The following GLA variants were observed in gnomAD, a reference collection of about 807,000 sequenced individuals.
GLA encodes the protein galactosidase alpha.
Under a neutral mutation model 28.2 loss-of-function variants are expected in GLA, and 4 were observed. That is an observed-to-expected ratio of 0.14 (90% CI 0.07 to 0.32). The LOEUF (loss-of-function observed/expected upper bound fraction) is 0.32, where lower values mean the gene tolerates loss of function less well. GLA is among the 10% of genes least tolerant of loss of function. The pLI is 1.00. For missense variants in GLA, 203 were observed against 323.7 expected, an observed-to-expected ratio of 0.63 and a Z score of 2.86; for synonymous variants, 94 against 113.0, an observed-to-expected ratio of 0.83 and a Z score of 1.07.
intron 3 of GLA, 62 bp downstream of exon 3, chrX:101,401,570 C>T (rs531010133): frequency 1.0e-5 from 10 of 972,741 alleles, no homozygotes; most frequent in Non-Finnish European, 1.3e-5. Context: ...GGTTCTTTGG[C>T]TCAGCTACCA....
intron 1 of GLA, among the ~76,000 whole-genome samples, chrX:101,406,206 CGTCTCAAAAAAAAAAAAAAAAAAAAA>C (rs1421863571): frequency 2.2e-5 from 2 of 89,335 alleles, no homozygotes; most frequent in Non-Finnish European, 4.4e-5. Context: ...AGCGAGACCC[CGTCTCAAAAAAAAAAAAAAAAAAAAA>C]GTGTAATTTA....
chrX:101,398,107 AC>A lies in GLA; in HGVS notation c.1000-9del. 1 of 1,207,098 alleles carries A rather than the reference AC, an allele frequency of 8.3e-7. No individual in the cohort carries two copies. The highest frequency in any genetic ancestry group is 1.1e-6 in the Non-Finnish European group (1 of 891,213). On this transcript the variant is annotated splice_polypyrimidine_tract_variant and intron_variant, in intron 6 of 6. Transcript: ENST00000218516. The stretch of plus-strand genomic sequence containing the variant: ...CACTTCAAAGTTGTCTCCCTGAAAA[AC>A]CAAGAAAGTGTGGTTGCTTAGCAAC...
At position 101,403,852 on chromosome X, in the gene GLA, G is replaced by C; in HGVS notation, c.328C>G (p.Pro110Ala). 8.3e-7 allele frequency: 1 copy of C among 1,211,460 alleles called. No individual in the cohort carries two copies. The highest frequency in any genetic ancestry group is 1.1e-6 in the Non-Finnish European group (1 of 894,974). The change falls in exon 2 of 7, where the codon CCT becomes GCT. Residue 110 changes from proline to alanine, a missense_variant. By Grantham distance (27) the Pro-to-Ala change is conservative. Coordinates refer to ENST00000218516, the MANE Select transcript of GLA (RefSeq NM_000169.3). The part of the protein sequence containing the change: ...RDSEGRLQAD[P>A]QRFPHGIRQL... ...CGAATCCCATGAGGAAAGCGCTGAG[G>C]GTCTGCCTGAAGTCTGCCTTCTGAA...
At chrX:101,400,807 C>T (rs375713515) in intron 3 of GLA, 50 bp from the exon 4 acceptor site, 1 of 633,056 alleles carries the variant, frequency 1.6e-6, no homozygotes, top group Non-Finnish European at 2.6e-6. Flanking sequence ...GAATTTCCAG[C>T]TGGGGCTATA....
chrX:101,401,163 C>T (rs912512735), intron 3 of GLA: 10 of 195,469 alleles, frequency 5.1e-5, no homozygotes, highest in Non-Finnish European at 9.4e-5. Flanking sequence ...GAAGAGGCTA[C>T]CTGGAAGGTT....
rs142449183 is a variant in GLA at position 101,407,819 on chromosome X, C to T, written c.85G>A (p.Ala29Thr). Residue 29 changes from alanine to threonine, a missense_variant, in exon 1 of 7, where the codon GCT becomes ACT. Physicochemically the swap from Ala to Thr is moderately conservative, Grantham distance 58. Coordinates refer to ENST00000218516, the MANE Select transcript of GLA (RefSeq NM_000169.3). Reference sequence around the variant, plus strand: ...GCCAATCCATTGTCCAGTGCTCTAGCCCCAGGGATGTCCCAGGAAACGAGG... The same window carrying T: ...GCCAATCCATTGTCCAGTGCTCTAGTCCCAGGGATGTCCCAGGAAACGAGG... ...LALVSWDIPGARALDNGLART... is the reference protein window; with the variant it reads ...LALVSWDIPGTRALDNGLART... 2.5e-6 allele frequency: 3 copies of T among 1,209,042 alleles called. No homozygotes were observed. The highest frequency in any genetic ancestry group is 3.5e-5 in the African/African-American group (2 of 57,258).
At chrX:101,398,284 G>T in intron 6 of GLA, 86 bp downstream of exon 6, 1 of 815,390 alleles carries the variant, frequency 1.2e-6, no homozygotes, top group Non-Finnish European at 1.9e-6. Flanking sequence ...GTAACATCAA[G>T]AGCAAGGGAA....
At chrX:101,404,935 G>A (rs1179940632) in intron 1 of GLA, among the ~76,000 whole-genome samples, 1 of 109,957 alleles carries the variant, frequency 9.1e-6, no homozygotes, top group Non-Finnish European at 1.9e-5. Context: ...TTACATACAT[G>A]TACATTCATT....
Position 101,407,921 on chromosome X carries a change from A to G in GLA, c.-18T>C, listed in dbSNP as rs545597063. On this transcript the variant is annotated 5_prime_UTR_variant, in exon 1 of 7. Transcript: ENST00000218516. ...AGCTGCATTGTCACGGTGACCGGAC[A>G]GCATAAATTTCCGCGGGTAACCTGG... 38 of 1,194,763 alleles carry G rather than the reference A, an allele frequency of 3.2e-5. No individual in the cohort carries two copies. In the South Asian group the frequency reaches 6.6e-4, roughly 21 times the overall value.
rs782600529 is a variant in GLA, at chrX:101,403,807, T to A, written c.369+4A>T. On this transcript the variant is annotated splice_donor_region_variant and intron_variant, in intron 2 of 6. Transcript: ENST00000218516. ...ATGAACAAGAACATTATCTATAAAC[T>A]CACATAATTAGCTAGCTGGCGAATC... 2 of 1,201,869 alleles carry A rather than the reference T, an allele frequency of 1.7e-6. No individual in the cohort carries two copies. Among genetic ancestry groups the A allele is most frequent in the East Asian group, 5.9e-5 (2 of 33,776 alleles).
chrX:101,401,213 G>A lies in GLA; in HGVS notation c.547+419C>T, dbSNP rs146298823. 2,015 of 221,121 alleles carry A rather than the reference G, an allele frequency of 9.1e-3. 86 individuals are homozygous for A. In the East Asian group the frequency reaches 0.17, roughly 18 times the overall value. 18.2% of individuals were successfully genotyped at this position (221,121 alleles called of 1,213,427 possible). A position where few individuals can be genotyped will look rare whatever the true frequency, so the allele number is the denominator to read the frequency against. On this transcript the variant is annotated intron_variant, in intron 3 of 6. Coordinates refer to ENST00000218516, the MANE Select transcript of GLA (RefSeq NM_000169.3). Reference sequence around the variant, plus strand: ...CAGCAGGGACAGGCAGTTGCTCTGTGCTTAAATTGTGTAAAGTACCTCCCA... The same window carrying A: ...CAGCAGGGACAGGCAGTTGCTCTGTACTTAAATTGTGTAAAGTACCTCCCA...
chrX:101,398,759 T>C (rs1051832140), intron 5 of GLA, 26 bp downstream of exon 5: 35 of 1,202,505 alleles, frequency 2.9e-5, no homozygotes, highest in Non-Finnish European at 3.9e-5. Flanking sequence ...CGCAGGGTCT[T>C]GAACAAGGAG....
chrX:101,400,652 G>C lies in GLA; in HGVS notation c.639+14C>G. The C allele has an allele frequency of 1.0e-6, 1 of 982,718 alleles. No individual in the cohort carries two copies. Among genetic ancestry groups the C allele is most frequent in the East Asian group, 3.0e-5 (1 of 32,792 alleles). 81.0% of individuals were successfully genotyped at this position (982,718 alleles called of 1,213,427 possible). A position where few individuals can be genotyped will look rare whatever the true frequency, so the allele number is the denominator to read the frequency against. Reference sequence around the variant, plus strand: ...TCAGTACAGTTCTATTGGATTCTGGGCTCACTATCTCACCTTTTGAAAGGG... The same window carrying C: ...TCAGTACAGTTCTATTGGATTCTGGCCTCACTATCTCACCTTTTGAAAGGG... On this transcript the variant is annotated intron_variant, in intron 4 of 6. Transcript: ENST00000218516.
intron 3 of GLA, chrX:101,401,386 T>G (rs949614484): frequency 2.2e-5 from 9 of 414,530 alleles, no homozygotes; most frequent in African/African-American, 2.0e-4. Context: ...ACTAATTAAC[T>G]CTTAGAGCCC....
rs192160582 is a variant in GLA at position 101,399,512 on chromosome X, C to T, written c.640-566G>A. 2.2e-3 allele frequency among the ~76,000 whole-genome samples: 246 copies of T among 112,019 alleles called. 1 individual carries two copies. Among genetic ancestry groups the T allele is most frequent in the African/African-American group, 7.9e-3 (242 of 30,792 alleles). On this transcript the variant is annotated intron_variant, in intron 4 of 6. Transcript: ENST00000218516. ...CCGGGAGGCGGAGGTTGCAGTGAGC[C>T]GAGATGGCGCCACTGCACTCTAGCC...
chrX:101,406,483 CTTCTTTATCTACAT>C (rs1928524650), intron 1 of GLA, among the ~76,000 whole-genome samples: 1 of 111,067 alleles, frequency 9.0e-6, no homozygotes, highest in Non-Finnish European at 1.9e-5. Context: ...TCATTTTGCT[CTTCTTTATCTACAT>C]TTTTTGCAAT....
intron 1 of GLA, among the ~76,000 whole-genome samples, chrX:101,406,685 T>C (rs1928531745): frequency 8.9e-6 from 1 of 112,606 alleles, no homozygotes; most frequent in South Asian, 3.6e-4. Context: ...GAATAACTTA[T>C]GGACACAGAA....
intron 5 of GLA, 106 bp from the exon 6 acceptor site, chrX:101,398,673 G>A: frequency 9.8e-7 from 1 of 1,018,780 alleles, no homozygotes; most frequent in Non-Finnish European, 1.4e-6. Flanking sequence ...CCTGCTCTAA[G>A]TACTCTCACA....
intron 1 of GLA, among the ~76,000 whole-genome samples, chrX:101,405,675 C>G (rs1009267499): frequency 6.3e-5 from 7 of 110,722 alleles, no homozygotes; most frequent in Middle Eastern, 4.6e-3. Flanking sequence ...AATCCCAGCA[C>G]TCTGGGAGGC....
Sources: gnomAD v4.1 joint callset for allele counts (sites outside exome capture counted in the v4.1 genomes callset) on GRCh38, gnomAD v4.1.1 for gene constraint, MANE v1.5 for transcripts, NCBI Gene and HGNC (gene_info 2026-07-23, HGNC 2026-07-21) for gene names.